The following SPTLC3 variants were observed in gnomAD, a reference collection of about 807,000 sequenced individuals.
SPTLC3 encodes serine palmitoyltransferase 3.
A neutral mutation model predicts 59.3 loss-of-function variants in SPTLC3; 36 were observed. The ratio of observed to expected loss-of-function variants is 0.61; its 90% CI spans 0.47 to 0.80. SPTLC3 has a LOEUF of 0.80. Ranked by LOEUF, SPTLC3 falls within the 30% of genes least tolerant of loss-of-function variation. The probability of loss-of-function intolerance (pLI) is 0.00; values close to 1 mark genes in which losing one functional copy is unlikely to be tolerated. For synonymous variants in SPTLC3, 257 were observed against 240.8 expected (o/e 1.07, Z -0.62); for missense variants, 625 against 685.1 (o/e 0.91, Z 0.98).
At position 13,166,556 on chromosome 20, in the gene SPTLC3, C is replaced by T. The variant is rs1388242534; in HGVS notation, c.*1689C>T. ...CCAACTTTTCTCAATGAAACTGATG[C>T]AGTATTATTTGTGCAAATAAAATGT... On this transcript the variant is annotated 3_prime_UTR_variant, in exon 12 of 12. Transcript: ENST00000399002. The T allele has an allele frequency of 6.6e-6, 1 of 152,100 alleles. No homozygotes were observed. The highest frequency in any genetic ancestry group is 1.5e-5 in the Non-Finnish European group (1 of 68,040). The allele number at this position is 152,100 out of a possible 1,614,324, so 9.4% of individuals were successfully genotyped here. A position where few individuals can be genotyped will look rare whatever the true frequency, so the allele number is the denominator to read the frequency against.
At chr20:13,123,598 A>T (rs940162537) in intron 8 of SPTLC3, among the ~76,000 whole-genome samples, 3 of 152,134 alleles carry the variant, frequency 2.0e-5, no homozygotes, top group Non-Finnish European at 2.9e-5. Context: ...CCTGCGTTAT[A>T]TTCCCTCCAA....
At chr20:13,123,441 G>A (rs1020797582) in intron 8 of SPTLC3, among the ~76,000 whole-genome samples, 5 of 152,008 alleles carry the variant, frequency 3.3e-5, no homozygotes, top group Non-Finnish European at 7.4e-5. Context: ...CATAAACTCC[G>A]AGGTAAGTAT....
chr20:13,107,937 A>G (rs1450753239), intron 6 of SPTLC3, among the ~76,000 whole-genome samples: 1 of 151,732 alleles, frequency 6.6e-6, no homozygotes, highest in South Asian at 2.1e-4. Context: ...TTATTTTTTC[A>G]TTATTTATGT....
chr20:13,137,082 T>C (rs1015198633), intron 9 of SPTLC3, among the ~76,000 whole-genome samples: 2 of 151,886 alleles, frequency 1.3e-5, no homozygotes, highest in African/African-American at 4.8e-5. Flanking sequence ...AGTCCCCCAA[T>C]CATTGTGCTG....
intron 1 of SPTLC3, among the ~76,000 whole-genome samples, chr20:13,038,204 A>G (rs1315090674): frequency 6.6e-6 from 1 of 152,162 alleles, no homozygotes; most frequent in African/African-American, 2.4e-5. Flanking sequence ...TAAGGCTCAT[A>G]TAATGCATTC....
chr20:13,102,983 T>A (rs929213225), intron 6 of SPTLC3, among the ~76,000 whole-genome samples: 1 of 152,188 alleles, frequency 6.6e-6, no homozygotes, highest in Admixed American at 6.5e-5. Context: ...CCAGGTCACC[T>A]GCTCTCAGCT....
chr20:13,098,229 C>G (rs919980673), intron 6 of SPTLC3, among the ~76,000 whole-genome samples: 2 of 152,098 alleles, frequency 1.3e-5, no homozygotes, highest in Non-Finnish European at 2.9e-5. Context: ...ATACCCTATT[C>G]TTAAAGAAGA....
At chr20:13,036,737 G>C (rs1357811169) in intron 1 of SPTLC3, among the ~76,000 whole-genome samples, 1 of 151,848 alleles carries the variant, frequency 6.6e-6, no homozygotes, top group Non-Finnish European at 1.5e-5. Context: ...AGTTGATTTG[G>C]GACATAAACA....
chr20:13,078,766 A>G (rs1988736412), intron 4 of SPTLC3, among the ~76,000 whole-genome samples: 1 of 152,138 alleles, frequency 6.6e-6, no homozygotes, highest in Non-Finnish European at 1.5e-5. Context: ...TATGGAGGGC[A>G]AGTGAGACTT....
chr20:13,096,169 T>A (rs1989404450), intron 6 of SPTLC3, among the ~76,000 whole-genome samples: 1 of 152,116 alleles, frequency 6.6e-6, no homozygotes, highest in African/African-American at 2.4e-5. Flanking sequence ...TGCTCACCCA[T>A]TGCCTGTGGA....
At chr20:13,039,741 A>C (rs565240849) in intron 1 of SPTLC3, among the ~76,000 whole-genome samples, 2 of 152,018 alleles carry the variant, frequency 1.3e-5, no homozygotes, top group African/African-American at 4.8e-5. Flanking sequence ...TTCTAGTATG[A>C]TATTTTCATT....
At chr20:13,067,925 T>C (rs887074536) in intron 2 of SPTLC3, among the ~76,000 whole-genome samples, 1 of 152,226 alleles carries the variant, frequency 6.6e-6, no homozygotes, top group Non-Finnish European at 1.5e-5. Context: ...ACAAGAGATA[T>C]GCTTCCAAAT....
At chr20:13,087,021 C>T (rs1027025377) in intron 4 of SPTLC3, among the ~76,000 whole-genome samples, 1 of 152,158 alleles carries the variant, frequency 6.6e-6, no homozygotes, top group Admixed American at 6.5e-5. Context: ...GTCTCAGACT[C>T]CTGACTTCAA....
At chr20:13,023,909 A>T (rs1320263277) in intron 1 of SPTLC3, among the ~76,000 whole-genome samples, 3 of 152,188 alleles carry the variant, frequency 2.0e-5, no homozygotes, top group African/African-American at 7.2e-5. Flanking sequence ...AGGGAAAATG[A>T]CTAATCTCCC....
intron 1 of SPTLC3, among the ~76,000 whole-genome samples, chr20:13,038,482 C>T (rs1183713848): frequency 6.6e-6 from 1 of 152,116 alleles, no homozygotes; most frequent in Non-Finnish European, 1.5e-5. Flanking sequence ...TTATTCATCG[C>T]ATTCCCTTAT....
At chr20:13,080,423 G>A (rs1181634673) in intron 4 of SPTLC3, among the ~76,000 whole-genome samples, 2 of 150,508 alleles carry the variant, frequency 1.3e-5, no homozygotes, top group Admixed American at 6.7e-5. Flanking sequence ...CAGGAAAATC[G>A]CTTGAACCCG....
At chr20:13,035,717 C>T (rs1224270277) in intron 1 of SPTLC3, among the ~76,000 whole-genome samples, 3 of 152,122 alleles carry the variant, frequency 2.0e-5, no homozygotes, top group African/African-American at 7.2e-5. Context: ...AAGTGACACA[C>T]TCTAAAAGAA....
intron 9 of SPTLC3, among the ~76,000 whole-genome samples, chr20:13,127,833 C>T (rs2038029950): frequency 6.6e-6 from 1 of 152,158 alleles, no homozygotes; most frequent in African/African-American, 2.4e-5. Context: ...GGATCCCTTC[C>T]AGGCTTGCCT....
At chr20:13,145,596 C>T (rs2038491041) in intron 9 of SPTLC3, among the ~76,000 whole-genome samples, 1 of 152,010 alleles carries the variant, frequency 6.6e-6, no homozygotes, top group South Asian at 2.1e-4. Context: ...CTATGCCCAT[C>T]AAACTACCAA....
Sources: allele counts gnomAD v4.1 joint callset (sites outside exome capture counted in the v4.1 genomes callset), GRCh38; gene constraint gnomAD v4.1.1; transcripts MANE v1.5; gene names NCBI Gene and HGNC (gene_info 2026-07-23, HGNC 2026-07-21).